BPGM: variants seen among roughly 807,000 people sequenced by gnomAD.
BPGM encodes bisphosphoglycerate mutase, also known as 2,3-bisphosphoglycerate mutase, erythrocyte.
A neutral mutation model predicts 21.6 loss-of-function variants in BPGM; 15 were observed. The ratio of observed to expected loss-of-function variants is 0.70; its 90% CI spans 0.47 to 1.07. The LOEUF (loss-of-function observed/expected upper bound fraction) is 1.07, where lower values mean the gene tolerates loss of function less well. BPGM is among the 50% of genes least tolerant of loss of function. The pLI is 0.00. For synonymous variants in BPGM, 113 were observed against 116.2 expected (o/e 0.97, Z 0.18); for missense variants, 273 against 319.0 (o/e 0.86, Z 1.10).
At chr7:134,665,364 A>C (rs1217704730) in intron 2 of BPGM, among the ~76,000 whole-genome samples, 1 of 42,770 alleles carries the variant, frequency 2.3e-5, no homozygotes, top group Non-Finnish European at 3.9e-5. Context: ...TATCGCAAGA[A>C]CAAAAAAACA....
intron 1 of BPGM, among the ~76,000 whole-genome samples, chr7:134,655,692 T>C (rs952729874): frequency 2.6e-5 from 4 of 152,220 alleles, no homozygotes; most frequent in African/African-American, 9.6e-5. Flanking sequence ...TTTCCTAACA[T>C]CTTAGCCCTG....
chr7:134,647,741 T>TG (rs1481967560), intron 1 of BPGM, among the ~76,000 whole-genome samples: 8 of 152,234 alleles, frequency 5.3e-5, no homozygotes, highest in African/African-American at 1.9e-4. Context: ...GTTTCACCTG[T>TG]AGGTACTAAA....
At chr7:134,657,376 C>A (rs916117697) in intron 1 of BPGM, among the ~76,000 whole-genome samples, 2 of 152,154 alleles carry the variant, frequency 1.3e-5, no homozygotes, top group Non-Finnish European at 2.9e-5. Context: ...TTGCAGGTCA[C>A]ATGAAGGATT....
At chr7:134,660,061 C>T (rs559591531) in intron 1 of BPGM, among the ~76,000 whole-genome samples, 4 of 152,284 alleles carry the variant, frequency 2.6e-5, no homozygotes, top group East Asian at 3.9e-4. Context: ...CAACACATGA[C>T]GATACTTGCA....
chr7:134,679,308 T>G lies in BPGM; in HGVS notation c.*277T>G. On this transcript the variant is annotated 3_prime_UTR_variant, in exon 3 of 3. Coordinates refer to ENST00000344924, the MANE Select transcript of BPGM (RefSeq NM_001724.5). Reference sequence around the variant, plus strand: ...TAATGAAGGTCATAAGTTTCTGAGATGGGAGAGCAACAAGTAGAGATGAAG... The same window carrying G: ...TAATGAAGGTCATAAGTTTCTGAGAGGGGAGAGCAACAAGTAGAGATGAAG... The G allele has an allele frequency of 2.2e-6, 1 of 445,982 alleles. No individual in the cohort carries two copies. The highest frequency in any genetic ancestry group is 4.1e-6 in the Non-Finnish European group (1 of 245,822). 27.6% of individuals were successfully genotyped at this position (445,982 alleles called of 1,614,324 possible). A position where few individuals can be genotyped will look rare whatever the true frequency, so the allele number is the denominator to read the frequency against.
intron 2 of BPGM, among the ~76,000 whole-genome samples, chr7:134,674,428 T>C (rs34229806): frequency 0.13 from 20,132 of 152,158 alleles, 1,712 homozygotes; most frequent in Non-Finnish European, 0.19. Flanking sequence ...CACCCAGCCC[T>C]GGGCAACAAC....
At chr7:134,654,371 A>G (rs1412627039) in intron 1 of BPGM, among the ~76,000 whole-genome samples, 2 of 152,210 alleles carry the variant, frequency 1.3e-5, no homozygotes, top group Non-Finnish European at 2.9e-5. Context: ...TCAGGTTTCA[A>G]TGTGACAGTG....
At chr7:134,653,716 C>G (rs1022304323) in intron 1 of BPGM, among the ~76,000 whole-genome samples, 5 of 152,188 alleles carry the variant, frequency 3.3e-5, no homozygotes. Context: ...TAAGACAATA[C>G]TGTTCTGTAA....
intron 2 of BPGM, among the ~76,000 whole-genome samples, chr7:134,670,724 T>C (rs1271301986): frequency 6.6e-6 from 1 of 152,188 alleles, no homozygotes; most frequent in Non-Finnish European, 1.5e-5. Context: ...GGGGTTTGAA[T>C]TGTGACTTAC....
At chr7:134,662,659 G>C (rs902696595) in intron 2 of BPGM, among the ~76,000 whole-genome samples, 3 of 152,180 alleles carry the variant, frequency 2.0e-5, no homozygotes, top group African/African-American at 7.2e-5. Flanking sequence ...CCTAGACGTA[G>C]GTTTCCTGAG....
intron 2 of BPGM, among the ~76,000 whole-genome samples, chr7:134,664,183 A>G (rs1795779125): frequency 6.6e-6 from 1 of 152,152 alleles, no homozygotes; most frequent in African/African-American, 2.4e-5. Context: ...ATATAGCTAT[A>G]TTAGCTTCCC....
intron 1 of BPGM, among the ~76,000 whole-genome samples, chr7:134,648,672 A>T (rs1304977497): frequency 7.5e-6 from 1 of 133,886 alleles, no homozygotes; most frequent in Non-Finnish European, 1.6e-5. Flanking sequence ...TTCAACTGTG[A>T]CTCTTAATTT....
At chr7:134,650,871 G>C (rs758667170) in intron 1 of BPGM, among the ~76,000 whole-genome samples, 39 of 152,216 alleles carry the variant, frequency 2.6e-4, no homozygotes, top group Non-Finnish European at 5.4e-4. Flanking sequence ...CTTGCAGCGA[G>C]CCGAGATCAC....
intron 1 of BPGM, among the ~76,000 whole-genome samples, chr7:134,650,750 G>A (rs1795542883): frequency 1.3e-5 from 2 of 152,134 alleles, no homozygotes; most frequent in African/African-American, 4.8e-5. Flanking sequence ...GTGAAACCCT[G>A]TCTCTACTAA....
At chr7:134,668,284 C>G (rs1021996393) in intron 2 of BPGM, among the ~76,000 whole-genome samples, 2 of 152,174 alleles carry the variant, frequency 1.3e-5, no homozygotes, top group Non-Finnish European at 2.9e-5. Flanking sequence ...ACTCAAAACT[C>G]AGTTCACTGA....
At chr7:134,663,364 T>TGA (rs1276528033) in intron 2 of BPGM, among the ~76,000 whole-genome samples, 1 of 112,888 alleles carries the variant, frequency 8.9e-6, no homozygotes, top group Non-Finnish European at 1.8e-5. Flanking sequence ...ACATGGCACT[T>TGA]GATATGTGTG....
chr7:134,652,900 C>T (rs978601377), intron 1 of BPGM, among the ~76,000 whole-genome samples: 1 of 152,126 alleles, frequency 6.6e-6, no homozygotes, highest in African/African-American at 2.4e-5. Context: ...AGATTGCTTC[C>T]ATATCTTGGC....
chr7:134,660,513 T>G (rs1298255843), intron 1 of BPGM: 1 of 152,348 alleles, frequency 6.6e-6, no homozygotes, highest in African/African-American at 2.4e-5. Context: ...GCAGCTTAAA[T>G]GTAAGGAGTT....
At chr7:134,672,254 T>C (rs1379757871) in intron 2 of BPGM, among the ~76,000 whole-genome samples, 1 of 151,520 alleles carries the variant, frequency 6.6e-6, no homozygotes, top group Non-Finnish European at 1.5e-5. Flanking sequence ...ACTTTAAGTA[T>C]TTAACACAGA....
Sources: gnomAD v4.1 joint callset for allele counts (sites outside exome capture counted in the v4.1 genomes callset) on GRCh38, gnomAD v4.1.1 for gene constraint, MANE v1.5 for transcripts, NCBI Gene and HGNC (gene_info 2026-07-23, HGNC 2026-07-21) for gene names.